MIPOL1: variants seen among roughly 807,000 people sequenced by gnomAD.
MIPOL1 encodes mirror-image polydactyly gene 1 protein.
A neutral mutation model predicts 60.9 loss-of-function variants in MIPOL1; 57 were observed. The observed-to-expected ratio is 0.94, with a 90% CI of 0.76 to 1.17. The LOEUF is 1.17. MIPOL1 is among the 50% of genes most tolerant of loss of function. The pLI is 0.00. For synonymous variants in MIPOL1, 179 were observed against 168.8 expected, an observed-to-expected ratio of 1.06 and a Z score of -0.47; for missense variants, 551 against 511.6, an observed-to-expected ratio of 1.08 and a Z score of -0.74.
chr14:37,200,232 G>T (rs1331982105), intron 1 of MIPOL1, among the ~76,000 whole-genome samples: 1 of 152,162 alleles, frequency 6.6e-6, no homozygotes, highest in Non-Finnish European at 1.5e-5. Context: ...GGTTGTACAG[G>T]CTGTACAGTC....
chr14:37,282,912 A>C (rs908520671), intron 6 of MIPOL1, among the ~76,000 whole-genome samples: 5 of 152,158 alleles, frequency 3.3e-5, no homozygotes, highest in Admixed American at 1.3e-4. Context: ...AACAATATGT[A>C]ATTTAAAACT....
At chr14:37,420,553 A>T (rs967581552) in intron 10 of MIPOL1, among the ~76,000 whole-genome samples, 2 of 152,208 alleles carry the variant, frequency 1.3e-5, no homozygotes, top group Non-Finnish European at 2.9e-5. Flanking sequence ...AGGAAATACT[A>T]TAGAAGTAAA....
intron 10 of MIPOL1, among the ~76,000 whole-genome samples, chr14:37,414,364 A>C (rs1030281478): frequency 6.6e-6 from 1 of 152,294 alleles, no homozygotes; most frequent in African/African-American, 2.4e-5. Flanking sequence ...TAGTCATTGT[A>C]ATTTTACCTC....
intron 7 of MIPOL1, among the ~76,000 whole-genome samples, chr14:37,304,722 C>T (rs574823540): frequency 3.3e-5 from 5 of 151,804 alleles, no homozygotes; most frequent in South Asian, 4.1e-4. Flanking sequence ...TCAAGAAATG[C>T]GACATTTCAC....
chr14:37,362,640 T>C (rs1484189282), intron 9 of MIPOL1, among the ~76,000 whole-genome samples: 1 of 152,198 alleles, frequency 6.6e-6, no homozygotes, highest in Non-Finnish European at 1.5e-5. Context: ...ATTTCCTGAA[T>C]TTGAATGTTG....
At chr14:37,386,183 AATATT>A (rs1467148934) in intron 10 of MIPOL1, among the ~76,000 whole-genome samples, 1 of 152,038 alleles carries the variant, frequency 6.6e-6, no homozygotes, top group East Asian at 1.9e-4. Flanking sequence ...ATGACTCTGA[AATATT>A]ATATAAACTT....
intron 9 of MIPOL1, among the ~76,000 whole-genome samples, chr14:37,325,300 T>C (rs989842149): frequency 1.3e-5 from 2 of 152,136 alleles, no homozygotes; most frequent in African/African-American, 4.8e-5. Context: ...ACATATATTT[T>C]ATATTCATTT....
In MIPOL1 at chr14:37,375,029, C is replaced by T. The variant is rs564946564; in HGVS notation, c.936+5405C>T. ...CTATCCATGAGCATGGAATGTTTTT[C>T]CATTTATTTGTGTCCTCTTTTATTT... On this transcript the variant is annotated intron_variant, in intron 10 of 12. Transcript: ENST00000684589. Among the ~76,000 whole-genome samples, 3 of 152,074 alleles carry T rather than the reference C, an allele frequency of 2.0e-5. No individual in the cohort carries two copies. In the East Asian group the frequency reaches 5.8e-4, roughly 29 times the overall value.
At chr14:37,250,770 A>G (rs904462000) in intron 3 of MIPOL1, among the ~76,000 whole-genome samples, 11 of 152,106 alleles carry the variant, frequency 7.2e-5, no homozygotes, top group Admixed American at 3.3e-4. Context: ...AATTTTACTA[A>G]TTTTAAAAGA....
At chr14:37,425,142 GT>G (rs1402404916) in intron 11 of MIPOL1, among the ~76,000 whole-genome samples, 1 of 152,188 alleles carries the variant, frequency 6.6e-6, no homozygotes, top group African/African-American at 2.4e-5. Context: ...GATGGGGAAG[GT>G]TTTTATGGAA....
chr14:37,263,560 CAG>C (rs1160209115), intron 3 of MIPOL1, among the ~76,000 whole-genome samples: 2 of 152,236 alleles, frequency 1.3e-5, no homozygotes, highest in African/African-American at 2.4e-5. Flanking sequence ...CTAAATAAAA[CAG>C]TGTGCCCACA....
At chr14:37,487,480 G>A (rs1158530743) in intron 11 of MIPOL1, among the ~76,000 whole-genome samples, 1 of 152,006 alleles carries the variant, frequency 6.6e-6, no homozygotes, top group African/African-American at 2.4e-5. Context: ...ACTTTTTTTG[G>A]TTGGTAGGCT....
At chr14:37,350,971 A>G (rs1302639263) in intron 9 of MIPOL1, among the ~76,000 whole-genome samples, 3 of 151,628 alleles carry the variant, frequency 2.0e-5, no homozygotes, top group Non-Finnish European at 2.9e-5. Flanking sequence ...GGTTAGTTAC[A>G]TATGTATACA....
At position 37,247,823 on chromosome 14, in the gene MIPOL1, T is replaced by C. The variant is rs1000262049; in HGVS notation, c.-60-6T>C. 2.5e-6 allele frequency: 4 copies of C among 1,576,388 alleles called. No homozygotes were observed. Among genetic ancestry groups the C allele is most frequent in the Non-Finnish European group, 2.6e-6 (3 of 1,148,624 alleles). ...GTTTATTTATCTAGAGTTGGCTTTATTTTAGCTGCAAATCTTGGAGCAAAA... is the reference window on the plus strand; with the variant it reads ...GTTTATTTATCTAGAGTTGGCTTTACTTTAGCTGCAAATCTTGGAGCAAAA... On this transcript the variant is annotated splice_region_variant and splice_polypyrimidine_tract_variant and intron_variant, in intron 2 of 12. Transcript: ENST00000684589.
intron 11 of MIPOL1, among the ~76,000 whole-genome samples, chr14:37,437,516 T>C (rs2094180658): frequency 6.6e-6 from 1 of 152,168 alleles, no homozygotes; most frequent in Non-Finnish European, 1.5e-5. Context: ...GAAGAAAACG[T>C]CATATATTTC....
intron 10 of MIPOL1, among the ~76,000 whole-genome samples, chr14:37,397,215 T>A (rs1208630878): frequency 6.6e-6 from 1 of 152,148 alleles, no homozygotes; most frequent in Non-Finnish European, 1.5e-5. Flanking sequence ...TGGCTTCCTG[T>A]GAGCCAAGCT....
chr14:37,396,367 T>A lies in MIPOL1; in HGVS notation c.937-26488T>A, dbSNP rs1014009072. Among the ~76,000 whole-genome samples, 6 of 152,170 alleles carry A rather than the reference T, an allele frequency of 3.9e-5. No individual in the cohort carries two copies. In the East Asian group the frequency reaches 7.7e-4, roughly 20 times the overall value. On this transcript the variant is annotated intron_variant, in intron 10 of 12. Coordinates refer to ENST00000684589, the MANE Select transcript of MIPOL1 (RefSeq NM_001388067.1). ...TGCTGTTAATCTGATAGGCTTTTTT[T>A]AATAGGTTACCTGGTCCTTTTGTCT... is the stretch of plus-strand genomic sequence containing the variant.
intron 12 of MIPOL1, among the ~76,000 whole-genome samples, chr14:37,500,454 G>T (rs2095199742): frequency 6.6e-6 from 1 of 152,126 alleles, no homozygotes; most frequent in African/African-American, 2.4e-5. Context: ...GCAAGGGGAA[G>T]AGGCAGTCAA....
At chr14:37,490,371 A>G (rs1458958148) in intron 11 of MIPOL1, among the ~76,000 whole-genome samples, 3 of 152,054 alleles carry the variant, frequency 2.0e-5, no homozygotes, top group African/African-American at 7.2e-5. Flanking sequence ...AAGCCAGTGG[A>G]TCTTAACTTG....
Sources: gnomAD v4.1 joint callset for allele counts (sites outside exome capture counted in the v4.1 genomes callset) on GRCh38, gnomAD v4.1.1 for gene constraint, MANE v1.5 for transcripts, NCBI Gene and HGNC (gene_info 2026-07-23, HGNC 2026-07-21) for gene names.